Variants in LRRTM4 observed in about 807,000 individuals in gnomAD.
LRRTM4 encodes leucine-rich repeat transmembrane neuronal protein 4.
Under a neutral mutation model 47.6 loss-of-function variants are expected in LRRTM4, and 25 were observed. The observed-to-expected ratio is 0.53, with a 90% CI of 0.38 to 0.73. The LOEUF is 0.73. Ranked by LOEUF, LRRTM4 falls within the 30% of genes least tolerant of loss-of-function variation. The pLI is 0.00. For synonymous variants in LRRTM4, 311 were observed against 269.5 expected, an observed-to-expected ratio of 1.15 and a Z score of -1.51; for missense variants, 638 against 713.4, an observed-to-expected ratio of 0.89 and a Z score of 1.20.
intron 3 of LRRTM4, among the ~76,000 whole-genome samples, chr2:76,822,308 A>T (rs1671076273): frequency 6.6e-6 from 1 of 151,610 alleles, no homozygotes; most frequent in African/African-American, 2.4e-5. Flanking sequence ...AGACAGCTAG[A>T]TATTATAATA....
chr2:76,838,883 A>G (rs1442301266), intron 3 of LRRTM4, among the ~76,000 whole-genome samples: 1 of 152,126 alleles, frequency 6.6e-6, no homozygotes, highest in Non-Finnish European at 1.5e-5. Flanking sequence ...TCGTTATTTA[A>G]GGACACTGTT....
intron 3 of LRRTM4, among the ~76,000 whole-genome samples, chr2:76,790,826 A>G (rs1674934198): frequency 6.6e-6 from 1 of 152,100 alleles, no homozygotes; most frequent in Non-Finnish European, 1.5e-5. Flanking sequence ...ATCTAATATC[A>G]GACTTGGCAT....
At chr2:76,935,296 G>A (rs1319512905) in intron 3 of LRRTM4, among the ~76,000 whole-genome samples, 2 of 152,068 alleles carry the variant, frequency 1.3e-5, no homozygotes, top group Non-Finnish European at 2.9e-5. Context: ...GATGCCTCCA[G>A]CTTTGTTATT....
intron 3 of LRRTM4, among the ~76,000 whole-genome samples, chr2:77,193,684 C>T (rs181082558): frequency 2.8e-4 from 42 of 152,182 alleles, no homozygotes; most frequent in African/African-American, 9.1e-4. Flanking sequence ...GTGGCACATG[C>T]TTGTAATCTC....
At chr2:77,389,218 T>C (rs1673406527) in intron 3 of LRRTM4, among the ~76,000 whole-genome samples, 2 of 152,106 alleles carry the variant, frequency 1.3e-5, no homozygotes, top group South Asian at 2.1e-4. Flanking sequence ...ATTTTTATTA[T>C]ACCTATATTT....
At chr2:77,060,137 T>C (rs1679739756) in intron 3 of LRRTM4, among the ~76,000 whole-genome samples, 1 of 152,220 alleles carries the variant, frequency 6.6e-6, no homozygotes, top group Non-Finnish European at 1.5e-5. Flanking sequence ...TCAGTTTGTC[T>C]GGATTCTACC....
At chr2:76,930,130 C>G (rs1674722920) in intron 3 of LRRTM4, among the ~76,000 whole-genome samples, 1 of 152,052 alleles carries the variant, frequency 6.6e-6, no homozygotes, top group South Asian at 2.1e-4. Context: ...AACAGCCAAT[C>G]CACAACAAAC....
chr2:76,942,507 T>TTTTTTC (rs767761649), intron 3 of LRRTM4, among the ~76,000 whole-genome samples: 1 of 146,726 alleles, frequency 6.8e-6, no homozygotes, highest in Non-Finnish European at 1.5e-5. Context: ...TTTTTTTTTT[T>TTTTTTC]GCGATAAAAA....
At position 77,334,459 on chromosome 2, in the gene LRRTM4, T is replaced by C. The variant is rs1014412251; in HGVS notation, c.1551+183859A>G. Among the ~76,000 whole-genome samples the C allele has an allele frequency of 3.9e-5, 6 of 152,306 alleles. 1 individual carries two copies. Among genetic ancestry groups the C allele is most frequent in the African/African-American group, 4.8e-5 (2 of 41,582 alleles). ...CATGGTCTTTCCCGGGCTGTTCTCA[T>C]GATAGTGAATGAGTCTTATGATATC... On this transcript the variant is annotated intron_variant, in intron 3 of 3. Transcript: ENST00000409884.
At chr2:77,349,315 T>C (rs1671675694) in intron 3 of LRRTM4, among the ~76,000 whole-genome samples, 1 of 151,626 alleles carries the variant, frequency 6.6e-6, no homozygotes, top group South Asian at 2.1e-4. Context: ...ACATCTCCTA[T>C]TCACAACTAC....
At position 77,299,223 on chromosome 2, in the gene LRRTM4, C is replaced by T. The variant is rs182184438; in HGVS notation, c.1551+219095G>A. Among the ~76,000 whole-genome samples, 3 of 148,010 alleles carry T rather than the reference C, an allele frequency of 2.0e-5. No homozygotes were observed. In the East Asian group the frequency reaches 5.9e-4, roughly 29 times the overall value. On this transcript the variant is annotated intron_variant, in intron 3 of 3. Transcript: ENST00000409884. ...GGAAGAGAAATACTAGGTAGTTCTT[C>T]CTACAATCTCTCTCTCTCTTTATCT...
chr2:76,983,679 G>T (rs969933355), intron 3 of LRRTM4, among the ~76,000 whole-genome samples: 3 of 151,980 alleles, frequency 2.0e-5, no homozygotes, highest in African/African-American at 7.2e-5. Context: ...TTTTTAATTT[G>T]ACTCCTTTTT....
intron 3 of LRRTM4, among the ~76,000 whole-genome samples, chr2:77,222,042 A>C (rs1383955302): frequency 6.6e-6 from 1 of 152,216 alleles, no homozygotes; most frequent in East Asian, 1.9e-4. Context: ...AGAACTCAGG[A>C]TTAAGAAACT....
chr2:77,184,867 A>G (rs1245746198), intron 3 of LRRTM4, among the ~76,000 whole-genome samples: 1 of 152,186 alleles, frequency 6.6e-6, no homozygotes, highest in Non-Finnish European at 1.5e-5. Flanking sequence ...TGTATTTTGA[A>G]AATAAGATAG....
At chr2:77,078,034 G>C (rs7586062) in intron 3 of LRRTM4, among the ~76,000 whole-genome samples, 93,833 of 152,052 alleles carry the variant, frequency 0.62, 31,075 homozygotes, top group African/African-American at 0.87. Context: ...GCAGTGAACT[G>C]CAGACTTTAC....
At chr2:77,465,634 A>G (rs970122815) in intron 3 of LRRTM4, among the ~76,000 whole-genome samples, 2 of 152,118 alleles carry the variant, frequency 1.3e-5, no homozygotes, top group African/African-American at 2.4e-5. Flanking sequence ...GAATTTTATA[A>G]TACAGAGAGG....
chr2:77,399,228 T>G (rs1166946722), intron 3 of LRRTM4, among the ~76,000 whole-genome samples: 1 of 151,596 alleles, frequency 6.6e-6, no homozygotes, highest in South Asian at 2.1e-4. Context: ...TGACAAAGAT[T>G]ATATGTATAT....
At chr2:76,786,392 C>T (rs529032417) in intron 3 of LRRTM4, among the ~76,000 whole-genome samples, 67 of 152,124 alleles carry the variant, frequency 4.4e-4, no homozygotes, top group African/African-American at 1.5e-3. Flanking sequence ...TCCCCCAAGA[C>T]TCCTAACATT....
At chr2:77,197,619 T>TTATA (rs1376809038) in intron 3 of LRRTM4, among the ~76,000 whole-genome samples, 3 of 152,328 alleles carry the variant, frequency 2.0e-5, no homozygotes, top group Middle Eastern at 3.4e-3. Context: ...AAGTTTTGTA[T>TTATA]TATAATTCAC....
Sources: allele counts gnomAD v4.1 joint callset (sites outside exome capture counted in the v4.1 genomes callset), GRCh38; gene constraint gnomAD v4.1.1; transcripts MANE v1.5; gene names NCBI Gene and HGNC (gene_info 2026-07-23, HGNC 2026-07-21).